The following JARID2 variants were observed in gnomAD, a reference collection of about 807,000 sequenced individuals.
JARID2 encodes jumonji and AT-rich interaction domain containing 2.
In JARID2, 21 loss-of-function variants were observed where a neutral mutation model predicts 125.6. That is an observed-to-expected ratio of 0.17 (90% CI 0.12 to 0.24). The LOEUF is 0.24. Among genes scored for constraint, JARID2 ranks in the 10% least tolerant of loss-of-function variants. The probability of loss-of-function intolerance (pLI) is 1.00; values close to 1 mark genes in which losing one functional copy is unlikely to be tolerated. For synonymous variants in JARID2, 736 were observed against 661.6 expected (o/e 1.11, Z -1.73); for missense variants, 1,303 against 1,639.6 (o/e 0.79, Z 3.55).
At chr6:15,509,618 G>A (rs573041521) in intron 12 of JARID2, among the ~76,000 whole-genome samples, 1 of 152,358 alleles carries the variant, frequency 6.6e-6, no homozygotes, top group African/African-American at 2.4e-5. Context: ...CTGGGGAGGG[G>A]ACAGCCAGGA....
At chr6:15,449,882 AT>A (rs1767841470) in intron 3 of JARID2, among the ~76,000 whole-genome samples, 1 of 152,136 alleles carries the variant, frequency 6.6e-6, no homozygotes, top group Non-Finnish European at 1.5e-5. Flanking sequence ...ATACAAGGGA[AT>A]TTAAGGTTAA....
intron 3 of JARID2, among the ~76,000 whole-genome samples, chr6:15,440,612 T>G (rs988640872): frequency 2.6e-5 from 4 of 152,224 alleles, no homozygotes; most frequent in African/African-American, 7.2e-5. Flanking sequence ...CACTTTCCAT[T>G]GGCACAGTTT....
At chr6:15,315,426 T>G (rs1046623560) in intron 1 of JARID2, among the ~76,000 whole-genome samples, 1 of 152,182 alleles carries the variant, frequency 6.6e-6, no homozygotes, top group Non-Finnish European at 1.5e-5. Context: ...CGTTGCTTTG[T>G]CTTGGAGAAC....
At chr6:15,383,119 T>G (rs1764652650) in intron 2 of JARID2, among the ~76,000 whole-genome samples, 1 of 152,090 alleles carries the variant, frequency 6.6e-6, no homozygotes, top group South Asian at 2.1e-4. Flanking sequence ...GGAGTTCAGT[T>G]TCAAAGAAGT....
intron 1 of JARID2, among the ~76,000 whole-genome samples, chr6:15,297,335 A>T (rs1761450858): frequency 6.6e-6 from 1 of 151,670 alleles, no homozygotes. Flanking sequence ...TTTTTAGTAG[A>T]GACGGGGTTT....
intron 5 of JARID2, among the ~76,000 whole-genome samples, chr6:15,471,546 A>C (rs1414159398): frequency 6.6e-6 from 1 of 152,160 alleles, no homozygotes; most frequent in Non-Finnish European, 1.5e-5. Flanking sequence ...CTGATTGGGC[A>C]GGTGAATTTA....
chr6:15,360,759 C>T (rs1581455000), intron 1 of JARID2, among the ~76,000 whole-genome samples: 1 of 152,130 alleles, frequency 6.6e-6, no homozygotes, highest in African/African-American at 2.4e-5. Context: ...CCTACCTTAG[C>T]CTCCCAGTGT....
chr6:15,499,738 T>C (rs779788344), intron 7 of JARID2, among the ~76,000 whole-genome samples: 2 of 152,110 alleles, frequency 1.3e-5, no homozygotes, highest in Admixed American at 1.3e-4. Flanking sequence ...AGTTCCCTCA[T>C]GGATGTTACC....
chr6:15,446,621 T>C (rs1767680651), intron 3 of JARID2, among the ~76,000 whole-genome samples: 1 of 152,166 alleles, frequency 6.6e-6, no homozygotes, highest in African/African-American at 2.4e-5. Context: ...AAATACACTC[T>C]ATGGGATCCC....
In JARID2 at chr6:15,297,059, A is replaced by G. The variant is rs149580908; in HGVS notation, c.45+50475A>G. Among the ~76,000 whole-genome samples, 377 of 152,276 alleles carry G rather than the reference A, an allele frequency of 2.5e-3. 4 individuals carry two copies. Among genetic ancestry groups the G allele is most frequent in the African/African-American group, 8.8e-3 (366 of 41,550 alleles). On this transcript the variant is annotated intron_variant, in intron 1 of 17. Transcript: ENST00000341776. Reference sequence around the variant, plus strand: ...TTTCCAGTCTGTCCTTGTCATCTAAAACATCTCCATAGGTGTCGTGACAAC... The same window carrying G: ...TTTCCAGTCTGTCCTTGTCATCTAAGACATCTCCATAGGTGTCGTGACAAC...
intron 2 of JARID2, among the ~76,000 whole-genome samples, chr6:15,397,469 T>A (rs1022569140): frequency 3.3e-5 from 5 of 152,174 alleles, no homozygotes; most frequent in Admixed American, 6.5e-5. Flanking sequence ...AGCGTGGTAC[T>A]GAAATACCAA....
chr6:15,299,875 T>C (rs1479445421), intron 1 of JARID2, among the ~76,000 whole-genome samples: 1 of 152,196 alleles, frequency 6.6e-6, no homozygotes, highest in African/African-American at 2.4e-5. Context: ...GATTGCTTCA[T>C]CCTTTCTCGT....
In JARID2 at chr6:15,487,679, G is replaced by A. The variant is rs74858237; in HGVS notation, c.906+137G>A. ...GAAGCAAGACAGGGACAGACAGAGC[G>A]CACCTTTGCATGAGCTGCAGGCGCC... is the stretch of plus-strand genomic sequence containing the variant. On this transcript the variant is annotated intron_variant, in intron 6 of 17. Transcript: ENST00000341776. The A allele has an allele frequency of 3.3e-3, 2,521 of 766,424 alleles. 48 individuals carry two copies. In the African/African-American group the frequency reaches 0.036, roughly 11 times the overall value. 47.5% of individuals were successfully genotyped at this position (766,424 alleles called of 1,614,324 possible).
At chr6:15,315,445 C>A (rs144830914) in intron 1 of JARID2, among the ~76,000 whole-genome samples, 4 of 152,182 alleles carry the variant, frequency 2.6e-5, no homozygotes, top group African/African-American at 9.7e-5. Flanking sequence ...ACTGCAGTCT[C>A]TCTCATATAG....
intron 5 of JARID2, among the ~76,000 whole-genome samples, chr6:15,477,563 T>C (rs1162783502): frequency 6.7e-6 from 1 of 149,924 alleles, no homozygotes; most frequent in Non-Finnish European, 1.5e-5. Flanking sequence ...AGTTATACAA[T>C]GTATGTTTCT....
chr6:15,319,401 C>CT (rs749933794), intron 1 of JARID2, among the ~76,000 whole-genome samples: 5 of 151,596 alleles, frequency 3.3e-5, no homozygotes, highest in Non-Finnish European at 5.9e-5. Flanking sequence ...TTGCTTTTTT[C>CT]TTTTTTTTGG....
At chr6:15,283,226 C>T (rs1335576983) in intron 1 of JARID2, among the ~76,000 whole-genome samples, 3 of 150,816 alleles carry the variant, frequency 2.0e-5, no homozygotes, top group Admixed American at 6.6e-5. Flanking sequence ...GATCTGCCCA[C>T]CTTGGCCTCC....
At chr6:15,399,173 G>T (rs1162900577) in intron 2 of JARID2, among the ~76,000 whole-genome samples, 2 of 152,130 alleles carry the variant, frequency 1.3e-5, no homozygotes, top group Non-Finnish European at 2.9e-5. Context: ...GGTCTGCTCT[G>T]GGGGCTCACC....
At chr6:15,319,748 T>A (rs1001986701) in intron 1 of JARID2, among the ~76,000 whole-genome samples, 1 of 152,174 alleles carries the variant, frequency 6.6e-6, no homozygotes, top group South Asian at 2.1e-4. Context: ...GCAGGAAAAG[T>A]TTAACCTGAG....
Sources: allele counts gnomAD v4.1 joint callset (sites outside exome capture counted in the v4.1 genomes callset), GRCh38; gene constraint gnomAD v4.1.1; transcripts MANE v1.5; gene names NCBI Gene and HGNC (gene_info 2026-07-23, HGNC 2026-07-21).